Variants in TP53BP1 observed in about 807,000 individuals in gnomAD.
TP53BP1 encodes the protein TP53-binding protein 1.
Under a neutral mutation model 200.8 loss-of-function variants are expected in TP53BP1, and 61 were observed. The observed-to-expected ratio is 0.30, with a 90% CI of 0.25 to 0.38. The LOEUF (loss-of-function observed/expected upper bound fraction) is 0.38. Among genes scored for constraint, TP53BP1 ranks in the 10% least tolerant of loss-of-function variants. The probability of loss-of-function intolerance (pLI) is 1.00; values close to 1 mark genes in which losing one functional copy is unlikely to be tolerated. For synonymous variants in TP53BP1, 822 were observed against 844.3 expected, an observed-to-expected ratio of 0.97 and a Z score of 0.46; for missense variants, 2,144 against 2,371.9, an observed-to-expected ratio of 0.90 and a Z score of 2.00.
Position 43,406,633 on chromosome 15 carries a change from T to C in TP53BP1, c.*750A>G, listed in dbSNP as rs899801465. ...CCTTGTTGACCCCTGCTTTAGAGAATGAGAAGCCATGCAGGGATCAGTGAT... is the reference window on the plus strand; with the variant it reads ...CCTTGTTGACCCCTGCTTTAGAGAACGAGAAGCCATGCAGGGATCAGTGAT... On this transcript the variant is annotated 3_prime_UTR_variant, in exon 28 of 28. Coordinates refer to ENST00000382044, the MANE Select transcript of TP53BP1 (RefSeq NM_001141980.3). The C allele has an allele frequency of 8.8e-6, 4 of 455,824 alleles. No homozygotes were observed. Among genetic ancestry groups the C allele is most frequent in the African/African-American group, 8.0e-5 (4 of 50,030 alleles). 28.2% of individuals were successfully genotyped at this position (455,824 alleles called of 1,614,324 possible).
At chr15:43,450,295 C>T (rs550846962) in intron 12 of TP53BP1, among the ~76,000 whole-genome samples, 41 of 152,066 alleles carry the variant, frequency 2.7e-4, no homozygotes, top group Admixed American at 9.2e-4. Flanking sequence ...AGTTTTAAAC[C>T]CATTTTTCTT....
At position 43,442,086 on chromosome 15, in the gene TP53BP1, T is replaced by A. The variant is rs926887269; in HGVS notation, c.3041-503A>T. 1.9e-3 allele frequency among the ~76,000 whole-genome samples: 287 copies of A among 147,964 alleles called. 2 individuals carry two copies. The highest frequency in any genetic ancestry group is 6.6e-3 in the African/African-American group (267 of 40,252). On this transcript the variant is annotated intron_variant, in intron 14 of 27. Coordinates refer to ENST00000382044, the MANE Select transcript of TP53BP1 (RefSeq NM_001141980.3). ...GTGCAGGCCAGATTTGTTTTAATTTTTTTTTTTTTTTTTTTTTGAGACAGA... is the reference window on the plus strand; with the variant it reads ...GTGCAGGCCAGATTTGTTTTAATTTATTTTTTTTTTTTTTTTTGAGACAGA...
rs914884219 is a variant in TP53BP1, at chr15:43,456,746, C to T, written c.1862G>A (p.Cys621Tyr). The change falls in exon 12 of 28, where the codon TGT (cysteine) becomes TAT (tyrosine). Residue 621 changes from cysteine (C) to tyrosine (Y), a missense_variant. Around this residue, in one of 4 missense-constraint regions of TP53BP1, gnomAD observed 1,700 missense variants for 1,710.3 expected, o/e 0.99. Coordinates refer to ENST00000382044, the MANE Select transcript of TP53BP1 (RefSeq NM_001141980.3). ...GREETVAEDV[C>Y]IDLTCDSGSQ... ...CCCCGAATCACAAGTGAGATCAATA[C>T]AAACATCTTCTGCTACCGTTTCTTC... 3.1e-6 allele frequency: 5 copies of T among 1,613,970 alleles called. No homozygotes were observed. In the East Asian group the frequency reaches 1.1e-4, roughly 36 times the overall value.
intron 11 of TP53BP1, 63 bp downstream of exon 11, chr15:43,469,795 T>C: frequency 2.3e-6 from 3 of 1,318,134 alleles, no homozygotes; most frequent in South Asian, 1.2e-5. Context: ...ATGTAAATTA[T>C]ACCCCAATAA....
At chr15:43,416,144 T>G (rs1383211582) in intron 22 of TP53BP1, 81 bp downstream of exon 22, 1 of 1,301,074 alleles carries the variant, frequency 7.7e-7, no homozygotes, top group Non-Finnish European at 1.1e-6. Flanking sequence ...TAGGGAAACA[T>G]TACTGACAGG....
intron 10 of TP53BP1, 84 bp downstream of exon 10, chr15:43,474,589 C>CATTCT (rs1234694152): frequency 3.4e-6 from 3 of 882,598 alleles, no homozygotes; most frequent in Non-Finnish European, 5.3e-6. Flanking sequence ...TTCTAAAGTA[C>CATTCT]AAAGAAGTAG....
Position 43,405,249 on chromosome 15 carries a change from G to A in TP53BP1, c.*2134C>T, listed in dbSNP as rs764545329. 31 of 1,611,654 alleles carry A rather than the reference G, an allele frequency of 1.9e-5. No homozygotes were observed. The highest frequency in any genetic ancestry group is 1.5e-4 in the African/African-American group (11 of 74,864). ...GCTCATAAATTGAAATAACAGCCACGTTCCCAAGGTTGTAACAGAAGATTC... is the reference window on the plus strand; with the variant it reads ...GCTCATAAATTGAAATAACAGCCACATTCCCAAGGTTGTAACAGAAGATTC... On this transcript the variant is annotated 3_prime_UTR_variant, in exon 28 of 28. Transcript: ENST00000382044.
intron 11 of TP53BP1, among the ~76,000 whole-genome samples, chr15:43,463,087 T>C (rs532253356): frequency 5.7e-4 from 87 of 152,198 alleles, no homozygotes; most frequent in African/African-American, 1.9e-3. Context: ...AATAAAATAA[T>C]TCAATGGCAT....
intron 4 of TP53BP1, among the ~76,000 whole-genome samples, chr15:43,484,047 C>G (rs145703329): frequency 6.6e-6 from 1 of 152,306 alleles, no homozygotes; most frequent in African/African-American, 2.4e-5. Flanking sequence ...ACCTCCTCAA[C>G]ACATCCAGCT....
chr15:43,466,373 T>C (rs1478912155), intron 11 of TP53BP1, among the ~76,000 whole-genome samples: 1 of 152,146 alleles, frequency 6.6e-6, no homozygotes, highest in East Asian at 1.9e-4. Context: ...GTTGATTTAA[T>C]GAGAGTCAAA....
At chr15:43,450,968 G>A (rs940461597) in intron 12 of TP53BP1, among the ~76,000 whole-genome samples, 7 of 152,216 alleles carry the variant, frequency 4.6e-5, no homozygotes, top group South Asian at 2.1e-4. Flanking sequence ...TCCGCCTCCC[G>A]AGTTCAAGTG....
intron 17 of TP53BP1, 31 bp downstream of exon 17, chr15:43,432,163 G>A (rs1290750154): frequency 6.3e-7 from 1 of 1,575,186 alleles, no homozygotes; most frequent in East Asian, 2.3e-5. Context: ...TAAAAACAAG[G>A]CCTCTGATGC....
chr15:43,472,954 G>A (rs2046763686), intron 10 of TP53BP1, among the ~76,000 whole-genome samples: 1 of 152,086 alleles, frequency 6.6e-6, no homozygotes, highest in Non-Finnish European at 1.5e-5. Flanking sequence ...TCTCGAGTCT[G>A]TCCCTTCTGA....
intron 11 of TP53BP1, among the ~76,000 whole-genome samples, chr15:43,460,252 ATGTTTTGTTT>A (rs561446120): frequency 3.8e-3 from 576 of 151,924 alleles, no homozygotes; most frequent in Non-Finnish European, 5.4e-3. Context: ...TTCATTTCCT[ATGTTTTGTTT>A]TGTTTTGTTT....
At chr15:43,469,769 G>A (rs551817735) in intron 11 of TP53BP1, 89 bp downstream of exon 11, 44 of 1,055,780 alleles carry the variant, frequency 4.2e-5, no homozygotes, top group African/African-American at 8.0e-5. Context: ...CATTTAAAAC[G>A]TGTGAATTTT....
At chr15:43,428,679 A>G (rs2045605697) in intron 17 of TP53BP1, among the ~76,000 whole-genome samples, 1 of 152,212 alleles carries the variant, frequency 6.6e-6, no homozygotes, top group African/African-American at 2.4e-5. Flanking sequence ...AACAATATAC[A>G]CTGATCTCTC....
chr15:43,507,569 T>C (rs1049620243), intron 1 of TP53BP1, among the ~76,000 whole-genome samples: 2 of 152,250 alleles, frequency 1.3e-5, no homozygotes, highest in East Asian at 3.8e-4. Context: ...ACTTCCTAAA[T>C]TCAATATAGA....
chr15:43,487,609 A>G (rs1456128553), intron 4 of TP53BP1, among the ~76,000 whole-genome samples: 1 of 152,038 alleles, frequency 6.6e-6, no homozygotes, highest in Non-Finnish European at 1.5e-5. Flanking sequence ...TCTGATCAAC[A>G]TGGTGAAATC....
chr15:43,481,828 A>G (rs1030331144), intron 4 of TP53BP1, among the ~76,000 whole-genome samples: 106 of 147,848 alleles, frequency 7.2e-4, no homozygotes, highest in African/African-American at 1.8e-3. Context: ...AAAAAAAAAA[A>G]AGAGAGAGAC....
Sources: gnomAD v4.1 joint callset for allele counts (sites outside exome capture counted in the v4.1 genomes callset) on GRCh38, gnomAD v4.1.1 for gene constraint, gnomAD v4.1.1 regional missense constraint, MANE v1.5 for transcripts, NCBI Gene and HGNC (gene_info 2026-07-23, HGNC 2026-07-21) for gene names.